NR2F1-AS1: variants seen among roughly 807,000 people sequenced by gnomAD.
NR2F1-AS1 encodes NR2F1 antisense RNA 1.
chr5:93,498,827 C>T (rs1751017923), intron 4 of NR2F1-AS1, among the ~76,000 whole-genome samples: 1 of 152,120 alleles, frequency 6.6e-6, no homozygotes, highest in African/African-American at 2.4e-5. Flanking sequence ...GAATCTGCAC[C>T]AGCATCCACA....
At chr5:93,521,469 A>G (rs1246714090) in intron 4 of NR2F1-AS1, among the ~76,000 whole-genome samples, 1 of 152,242 alleles carries the variant, frequency 6.6e-6, no homozygotes, top group Non-Finnish European at 1.5e-5. Flanking sequence ...TGTACCCAAC[A>G]GAGGTCTAAT....
intron 4 of NR2F1-AS1, among the ~76,000 whole-genome samples, chr5:93,495,290 T>C (rs1181830084): frequency 6.6e-6 from 1 of 152,178 alleles, no homozygotes; most frequent in Non-Finnish European, 1.5e-5. Flanking sequence ...TTCTTTTCCA[T>C]ACTTTATTCT....
chr5:93,419,746 C>T (rs1302250571), intron 4 of NR2F1-AS1, among the ~76,000 whole-genome samples: 1 of 152,174 alleles, frequency 6.6e-6, no homozygotes, highest in African/African-American at 2.4e-5. Context: ...GCAAAATTGA[C>T]ACCCCTTTCC....
chr5:93,581,691 T>C (rs1753043723), upstream of NR2F1-AS1, among the ~76,000 whole-genome samples: 3 of 54,330 alleles, frequency 5.5e-5, no homozygotes, highest in South Asian at 1.0e-3. Context: ...TCTCTCTCTC[T>C]CTCTCTCTCT....
intron 4 of NR2F1-AS1, among the ~76,000 whole-genome samples, chr5:93,418,164 T>A (rs1048054037): frequency 6.6e-6 from 1 of 152,146 alleles, no homozygotes; most frequent in Admixed American, 6.5e-5. Context: ...CCTTAAAGTC[T>A]GGCCAGACTC....
chr5:93,446,554 G>A (rs1443298932), intron 4 of NR2F1-AS1, among the ~76,000 whole-genome samples: 20 of 152,052 alleles, frequency 1.3e-4, no homozygotes, highest in Non-Finnish European at 8.8e-5. Flanking sequence ...AATAAAAGAG[G>A]ACACAAACAA....
In NR2F1-AS1 at chr5:93,530,354, T is replaced by C. The variant is rs150152127; in HGVS notation, n.638+23407A>G. Among the ~76,000 whole-genome samples the C allele has an allele frequency of 9.3e-4, 141 of 152,302 alleles. 1 individual carries two copies. Among genetic ancestry groups the C allele is most frequent in the African/African-American group, 3.2e-3 (135 of 41,566 alleles). ...GCCTTGGCCTCCCAAAGTGCTGGGA[T>C]TGCAGGCGATTTGAAGGCTTTTATA... On this transcript the variant is annotated intron_variant and non_coding_transcript_variant, in intron 4 of 5. Transcript: ENST00000660523.
At chr5:93,509,870 T>C (rs930019147) in intron 4 of NR2F1-AS1, among the ~76,000 whole-genome samples, 3 of 152,030 alleles carry the variant, frequency 2.0e-5, no homozygotes, top group East Asian at 1.9e-4. Flanking sequence ...TTTAAATCTT[T>C]ATACCTGTAG....
chr5:93,509,439 C>A (rs1751251206), intron 4 of NR2F1-AS1, among the ~76,000 whole-genome samples: 1 of 151,892 alleles, frequency 6.6e-6, no homozygotes. Context: ...TTTAAATAGC[C>A]ACATGTGGCT....
At chr5:93,486,411 T>A (rs1471869713) in intron 4 of NR2F1-AS1, among the ~76,000 whole-genome samples, 2 of 152,070 alleles carry the variant, frequency 1.3e-5, no homozygotes, top group African/African-American at 4.8e-5. Flanking sequence ...ATAAAGGTGA[T>A]ATCACCACTG....
chr5:93,517,811 T>C (rs188092662), intron 4 of NR2F1-AS1, among the ~76,000 whole-genome samples: 2 of 152,252 alleles, frequency 1.3e-5, no homozygotes, highest in East Asian at 3.9e-4. Flanking sequence ...TGGCCACCAA[T>C]ACTTTTATGC....
At chr5:93,561,617 T>C (rs1243669579) in intron 2 of NR2F1-AS1, among the ~76,000 whole-genome samples, 1 of 151,686 alleles carries the variant, frequency 6.6e-6, no homozygotes, top group East Asian at 1.9e-4. Context: ...TACAAAAAAT[T>C]AAAAAATTAA....
At chr5:93,510,810 A>G (rs563426524) in intron 4 of NR2F1-AS1, among the ~76,000 whole-genome samples, 11 of 152,122 alleles carry the variant, frequency 7.2e-5, no homozygotes, top group Admixed American at 3.3e-4. Flanking sequence ...CATCCATACA[A>G]CTCTTAGTTA....
intron 4 of NR2F1-AS1, among the ~76,000 whole-genome samples, chr5:93,496,382 C>A (rs6884398): frequency 0.022 from 3,294 of 152,128 alleles, 109 homozygotes; most frequent in African/African-American, 0.075. Context: ...GAAGTCTATT[C>A]AAAAAATCAG....
chr5:93,409,474 G>A (rs1327931888), intron 4 of NR2F1-AS1: 1 of 152,174 alleles, frequency 6.6e-6, no homozygotes, highest in East Asian at 1.9e-4. Context: ...TAGGCACCAG[G>A]AATGCACAGA....
In NR2F1-AS1 at chr5:93,573,739, C is replaced by G. The variant is rs966271592; in HGVS notation, n.313+6728G>C. Reference sequence around the variant, plus strand: ...CAGCACGCACGGGACGCTGTCTCTCCAAGCGATTTGACCAGAGCATCCCGT... The same window carrying G: ...CAGCACGCACGGGACGCTGTCTCTCGAAGCGATTTGACCAGAGCATCCCGT... On this transcript the variant is annotated intron_variant and non_coding_transcript_variant, in intron 1 of 5. Coordinates refer to ENST00000660523, the Ensembl canonical transcript of NR2F1-AS1. Among the ~76,000 whole-genome samples, 3 of 152,288 alleles carry G rather than the reference C, an allele frequency of 2.0e-5. No homozygotes were observed. In the East Asian group the frequency reaches 5.8e-4, roughly 29 times the overall value.
intron 4 of NR2F1-AS1, among the ~76,000 whole-genome samples, chr5:93,482,217 G>C (rs1008435527): frequency 8.5e-5 from 13 of 152,092 alleles, no homozygotes; most frequent in African/African-American, 3.1e-4. Flanking sequence ...TAACACAGGA[G>C]GCAGGTGATT....
intron 4 of NR2F1-AS1, among the ~76,000 whole-genome samples, chr5:93,458,380 T>C (rs1750000428): frequency 6.6e-6 from 1 of 152,080 alleles, no homozygotes; most frequent in African/African-American, 2.4e-5. Context: ...GAAAATACAC[T>C]TGTGATCAAC....
chr5:93,501,869 C>CG (rs2149886140), intron 4 of NR2F1-AS1, among the ~76,000 whole-genome samples: 1 of 152,106 alleles, frequency 6.6e-6, no homozygotes, highest in Non-Finnish European at 1.5e-5. Context: ...AGAAATTTTT[C>CG]ATGAAAGACA....
Sources: gnomAD v4.1 joint callset for allele counts (sites outside exome capture counted in the v4.1 genomes callset) on GRCh38, gnomAD v4.1.1 for gene constraint, MANE v1.5 for transcripts, NCBI Gene and HGNC (gene_info 2026-07-23, HGNC 2026-07-21) for gene names.